Variants in IQSEC1 observed in about 807,000 individuals in gnomAD.
The protein encoded by IQSEC1 is IQ motif and Sec7 domain ArfGEF 1.
A neutral mutation model predicts 91.0 loss-of-function variants in IQSEC1; 31 were observed. That is an observed-to-expected ratio of 0.34 (90% CI 0.26 to 0.46). The LOEUF (loss-of-function observed/expected upper bound fraction) is 0.46. Ranked by LOEUF, IQSEC1 falls within the 20% of genes least tolerant of loss-of-function variation. The probability of loss-of-function intolerance (pLI) is 1.00; values close to 1 mark genes in which losing one functional copy is unlikely to be tolerated. For missense variants in IQSEC1, 1,388 were observed against 1,575.6 expected, an observed-to-expected ratio of 0.88 and a Z score of 2.02; for synonymous variants, 699 against 662.6, an observed-to-expected ratio of 1.05 and a Z score of -0.84.
intron 1 of IQSEC1, among the ~76,000 whole-genome samples, chr3:12,989,824 C>G (rs1701906233): frequency 6.6e-6 from 1 of 152,166 alleles, no homozygotes; most frequent in Non-Finnish European, 1.5e-5. Context: ...ATTAGGTCCC[C>G]CATGATAAAG....
chr3:13,121,386 A>G (rs1218031931), intron 2 of IQSEC1, among the ~76,000 whole-genome samples: 1 of 152,012 alleles, frequency 6.6e-6, no homozygotes, highest in Admixed American at 6.6e-5. Context: ...CACGGCTGGG[A>G]GGGGTGAGGC....
chr3:13,268,341 C>G (rs546843665), intron 1 of IQSEC1, among the ~76,000 whole-genome samples: 19 of 152,314 alleles, frequency 1.2e-4, no homozygotes, highest in African/African-American at 4.6e-4. Context: ...AATGGGGCTG[C>G]ACAGATAAAA....
intron 13 of IQSEC1, among the ~76,000 whole-genome samples, chr3:12,902,158 G>A (rs1320492156): frequency 6.6e-6 from 1 of 152,182 alleles, no homozygotes; most frequent in Admixed American, 6.5e-5. Context: ...TGCAAGCTGA[G>A]GTAGAGATGT....
intron 1 of IQSEC1, among the ~76,000 whole-genome samples, chr3:12,961,563 C>T (rs1056646183): frequency 3.9e-5 from 6 of 152,200 alleles, no homozygotes; most frequent in Non-Finnish European, 7.3e-5. Flanking sequence ...CCCTTTAGCC[C>T]TTTAACTTCT....
At chr3:13,251,411 A>C (rs998167284) in intron 1 of IQSEC1, among the ~76,000 whole-genome samples, 1 of 152,214 alleles carries the variant, frequency 6.6e-6, no homozygotes, top group Admixed American at 6.5e-5. Flanking sequence ...AGCAACTGGA[A>C]CAGTTCTGGC....
intron 1 of IQSEC1, among the ~76,000 whole-genome samples, chr3:13,256,931 C>T (rs1018047724): frequency 6.6e-6 from 1 of 152,154 alleles, no homozygotes; most frequent in African/African-American, 2.4e-5. Flanking sequence ...GCTCCCCAAC[C>T]CAAAAACAGG....
intron 2 of IQSEC1, among the ~76,000 whole-genome samples, chr3:13,110,779 A>G (rs1208826055): frequency 6.6e-6 from 1 of 152,194 alleles, no homozygotes; most frequent in Non-Finnish European, 1.5e-5. Flanking sequence ...CAGCCGCCTG[A>G]GATTTATGCT....
chr3:12,949,834 C>A (rs1261587749), intron 1 of IQSEC1, among the ~76,000 whole-genome samples: 4 of 152,190 alleles, frequency 2.6e-5, no homozygotes, highest in African/African-American at 9.7e-5. Flanking sequence ...TGGCCGCCAC[C>A]CCTGCCAGGT....
rs546248067 is a variant in IQSEC1 at position 13,009,689 on chromosome 3, A to G, written c.23+63303T>C. 1.3e-3 allele frequency among the ~76,000 whole-genome samples: 191 copies of G among 145,296 alleles called. 1 individual carries two copies. Among genetic ancestry groups the G allele is most frequent in the African/African-American group, 4.7e-3 (185 of 39,528 alleles). On this transcript the variant is annotated intron_variant, in intron 1 of 13. Transcript: ENST00000613206. Reference sequence around the variant, plus strand: ...TATATGTGTGTGTGTGTGTGTGTGTATGTACTTTGCTGATTAGATATTTTA... The same window carrying G: ...TATATGTGTGTGTGTGTGTGTGTGTGTGTACTTTGCTGATTAGATATTTTA...
At chr3:13,102,114 CA>C (rs151285037) in intron 2 of IQSEC1, among the ~76,000 whole-genome samples, 6,467 of 151,864 alleles carry the variant, frequency 0.043, 259 homozygotes, top group East Asian at 0.17. Context: ...CCTGTCTCTA[CA>C]AAAAATGCAA....
Position 12,937,641 on chromosome 3 carries a change from G to A in IQSEC1, c.319-944C>T, listed in dbSNP as rs1427039804. Among the ~76,000 whole-genome samples the A allele has an allele frequency of 2.0e-5, 3 of 152,364 alleles. No homozygotes were observed. In the East Asian group the frequency reaches 5.8e-4, roughly 29 times the overall value. On this transcript the variant is annotated intron_variant, in intron 2 of 13. Transcript: ENST00000613206. ...CTCATCTATTAAATGGGGTAGTGCT[G>A]GGACCTGCCTCCTATGACTGTGGTG...
chr3:13,049,043 C>T (rs111346556), intron 1 of IQSEC1, among the ~76,000 whole-genome samples: 1 of 152,276 alleles, frequency 6.6e-6, no homozygotes, highest in South Asian at 2.1e-4. Context: ...AGTCCTGTGC[C>T]CAATCTGGGA....
intron 1 of IQSEC1, among the ~76,000 whole-genome samples, chr3:13,069,895 C>G (rs1175134489): frequency 1.3e-5 from 2 of 152,230 alleles, no homozygotes; most frequent in Non-Finnish European, 2.9e-5. Context: ...TTCTTGGAAG[C>G]CTCCTGATGT....
intron 1 of IQSEC1, among the ~76,000 whole-genome samples, chr3:13,058,490 AG>A (rs1168915008): frequency 6.6e-6 from 1 of 152,136 alleles, no homozygotes; most frequent in East Asian, 1.9e-4. Context: ...CTCACACAGG[AG>A]CAAGCTGGGG....
At chr3:12,931,274 G>A (rs1480024383) in intron 3 of IQSEC1, among the ~76,000 whole-genome samples, 1 of 152,078 alleles carries the variant, frequency 6.6e-6, no homozygotes, top group South Asian at 2.1e-4. Flanking sequence ...AGGGGAGAGG[G>A]GTCCCAACCT....
intron 1 of IQSEC1, among the ~76,000 whole-genome samples, chr3:13,251,964 C>A (rs1238869223): frequency 6.6e-6 from 1 of 152,224 alleles, no homozygotes; most frequent in African/African-American, 2.4e-5. Flanking sequence ...ACAGTAGCAG[C>A]AGCAGAGCAA....
chr3:13,106,522 T>A (rs777314015), intron 2 of IQSEC1, among the ~76,000 whole-genome samples: 1 of 152,206 alleles, frequency 6.6e-6, no homozygotes, highest in Non-Finnish European at 1.5e-5. Flanking sequence ...TGAGGCCAAG[T>A]GACATGCCCC....
chr3:13,222,188 G>A (rs7637289), intron 1 of IQSEC1, among the ~76,000 whole-genome samples: 37,175 of 132,102 alleles, frequency 0.28, 4,861 homozygotes, highest in Admixed American at 0.33. Flanking sequence ...TTCTGTCTCC[G>A]TGAATGTGAC....
intron 2 of IQSEC1, among the ~76,000 whole-genome samples, chr3:13,117,578 A>T: frequency 6.9e-6 from 1 of 144,310 alleles, no homozygotes. Context: ...TCAAAAAAAA[A>T]AAAAAAAAAA....
Sources: gnomAD v4.1 joint callset for allele counts (sites outside exome capture counted in the v4.1 genomes callset) on GRCh38, gnomAD v4.1.1 for gene constraint, MANE v1.5 for transcripts, NCBI Gene and HGNC (gene_info 2026-07-23, HGNC 2026-07-21) for gene names.